The following LGR5 variants were observed in gnomAD, a reference collection of about 807,000 sequenced individuals.
The protein encoded by LGR5 is leucine rich repeat containing G protein-coupled receptor 5, also known as leucine-rich repeat-containing G protein-coupled receptor 5.
Under a neutral mutation model 76.7 loss-of-function variants are expected in LGR5, and 54 were observed. That is an observed-to-expected ratio of 0.70 (90% confidence interval 0.57 to 0.88). The LOEUF (loss-of-function observed/expected upper bound fraction) is 0.88, where lower values mean the gene tolerates loss of function less well. Ranked by LOEUF, LGR5 falls within the 40% of genes least tolerant of loss-of-function variation. The pLI is 0.00. For synonymous variants in LGR5, 406 were observed against 421.9 expected, an observed-to-expected ratio of 0.96 and a Z score of 0.46; for missense variants, 1,078 against 1,073.3, an observed-to-expected ratio of 1.00 and a Z score of -0.06.
In LGR5 at chr12:71,535,181, A is replaced by G; in HGVS notation, c.423A>G (p.Gln141=). 2 of 1,600,224 alleles carry G rather than the reference A, an allele frequency of 1.2e-6. No individual in the cohort carries two copies. Among genetic ancestry groups the G allele is most frequent in the Non-Finnish European group, 1.7e-6 (2 of 1,167,764 alleles). The stretch of plus-strand genomic sequence containing the variant: ...CTCTGCAGAATTTGCGAAGCCTTCA[A>G]TCCCTGTAAGTATAGTAGACATTGC... ...TEALQNLRSL[Q]SLRLDANHIS... Residue 141 remains glutamine (Q), a synonymous_variant, in exon 4 of 18, where the codon CAA becomes CAG. Transcript: ENST00000266674.
intron 1 of LGR5, among the ~76,000 whole-genome samples, chr12:71,502,638 G>A (rs1174265465): frequency 6.6e-6 from 1 of 152,126 alleles, no homozygotes; most frequent in Non-Finnish European, 1.5e-5. Flanking sequence ...GTTTTCCCAC[G>A]ATTATGCAGC....
rs573425957 is a variant in LGR5, at chr12:71,515,816, A to G, written c.285-8590A>G. 2.4e-4 allele frequency among the ~76,000 whole-genome samples: 36 copies of G among 152,338 alleles called. 1 individual carries two copies. The South Asian group carries it at 6.6e-3, about 28-fold the overall frequency. On this transcript the variant is annotated intron_variant, in intron 2 of 17. Transcript: ENST00000266674. ...AGTCTGATGAAATGTTTTCTTTTAA[A>G]TCACAAGAATTATCATGTTCAAGTT...
chr12:71,547,660 C>T (rs965088544), intron 4 of LGR5, among the ~76,000 whole-genome samples: 10 of 152,166 alleles, frequency 6.6e-5, no homozygotes, highest in Non-Finnish European at 1.5e-4. Context: ...GCCCTCAAAT[C>T]TTGGAATTAA....
intron 1 of LGR5, among the ~76,000 whole-genome samples, chr12:71,479,979 A>G (rs1020412356): frequency 1.2e-4 from 18 of 152,144 alleles, no homozygotes; most frequent in African/African-American, 4.1e-4. Context: ...GGAATTATCT[A>G]TTTCTGTTTT....
At chr12:71,481,258 CCT>C (rs1365278838) in intron 1 of LGR5, among the ~76,000 whole-genome samples, 2 of 152,112 alleles carry the variant, frequency 1.3e-5, no homozygotes, top group African/African-American at 4.8e-5. Flanking sequence ...CCCCCAACCC[CCT>C]GACAGGCCCC....
At chr12:71,461,950 G>A (rs1012417045) in intron 1 of LGR5, among the ~76,000 whole-genome samples, 11 of 152,070 alleles carry the variant, frequency 7.2e-5, no homozygotes, top group Admixed American at 3.3e-4. Flanking sequence ...GTAATCTGCC[G>A]GGTGTGAATT....
intron 2 of LGR5, among the ~76,000 whole-genome samples, chr12:71,522,687 G>A (rs1022802898): frequency 2.0e-5 from 3 of 151,802 alleles, no homozygotes; most frequent in Admixed American, 2.0e-4. Flanking sequence ...TAGGTACCAC[G>A]AGATAGGTAG....
intron 1 of LGR5, among the ~76,000 whole-genome samples, chr12:71,450,744 A>G (rs1328863978): frequency 6.6e-6 from 1 of 152,190 alleles, no homozygotes; most frequent in Non-Finnish European, 1.5e-5. Flanking sequence ...GCACTAGTCC[A>G]GGGTCTACTC....
intron 3 of LGR5, among the ~76,000 whole-genome samples, chr12:71,531,956 C>G (rs150295922): frequency 4.0e-4 from 61 of 152,210 alleles, no homozygotes; most frequent in African/African-American, 1.2e-3. Context: ...AAGTTCGCAA[C>G]TATTCAATGA....
chr12:71,565,935 C>T (rs1367386241), intron 8 of LGR5, among the ~76,000 whole-genome samples: 2 of 152,082 alleles, frequency 1.3e-5, no homozygotes, highest in African/African-American at 4.8e-5. Context: ...TAGCTCATTT[C>T]CTCTCCAATA....
At position 71,477,699 on chromosome 12, in the gene LGR5, A is replaced by G. The variant is rs149015622; in HGVS notation, c.213-26915A>G. Among the ~76,000 whole-genome samples, 988 of 152,242 alleles carry G rather than the reference A, an allele frequency of 6.5e-3. 7 individuals carry two copies. The highest frequency in any genetic ancestry group is 0.022 in the African/African-American group (919 of 41,538). ...ACTGCCTTGGAAATTTTTCTTTTTA[A>G]TAATGGTCTCCTTTCATGACACTAA... On this transcript the variant is annotated intron_variant, in intron 1 of 17. Coordinates refer to ENST00000266674, the MANE Select transcript of LGR5 (RefSeq NM_003667.4).
chr12:71,566,895 A>G lies in LGR5; in HGVS notation c.1053A>G (p.Leu351=). Residue 351 remains leucine (L), a synonymous_variant, in exon 11 of 18, where the codon TTA becomes TTG. Transcript: ENST00000266674. ...SSLPQTVCNQ[L]PNLQVLDLSY... is the part of the protein sequence containing the mutation. ...TTCCTCAAACCGTCTGCAATCAGTT[A>G]CCTAATCTCCAAGTGCTGTGCGTAT... 6.2e-7 allele frequency: 1 copy of G among 1,613,388 alleles called. No homozygotes were observed. The highest frequency in any genetic ancestry group is 8.5e-7 in the Non-Finnish European group (1 of 1,179,322).
At chr12:71,510,860 T>C (rs757688062) in intron 2 of LGR5, among the ~76,000 whole-genome samples, 51 of 152,062 alleles carry the variant, frequency 3.4e-4, no homozygotes, top group South Asian at 6.2e-4. Flanking sequence ...GAGAACAGTG[T>C]GAGCAGAGGC....
chr12:71,485,072 T>C (rs1489228531), intron 1 of LGR5, among the ~76,000 whole-genome samples: 2 of 152,198 alleles, frequency 1.3e-5, no homozygotes, highest in Non-Finnish European at 2.9e-5. Context: ...ACTCTTGATA[T>C]ATCTGTATAG....
intron 2 of LGR5, among the ~76,000 whole-genome samples, chr12:71,510,915 A>G (rs1196553181): frequency 6.6e-6 from 1 of 152,076 alleles, no homozygotes; most frequent in Non-Finnish European, 1.5e-5. Flanking sequence ...TGCAAAAAAA[A>G]TCAGTATGGC....
Position 71,566,825 on chromosome 12 carries a change from G to T in LGR5, c.999-16G>T. 2.5e-6 allele frequency: 4 copies of T among 1,610,926 alleles called. No homozygotes were observed. The highest frequency in any genetic ancestry group is 3.4e-6 in the Non-Finnish European group (4 of 1,177,128). ...TGCCTGAATGAAAGAATTATGTCTG[G>T]TTTGTGTTTTAACAGGACTTTAACT... On this transcript the variant is annotated splice_polypyrimidine_tract_variant and intron_variant, in intron 10 of 17. Coordinates refer to ENST00000266674, the MANE Select transcript of LGR5 (RefSeq NM_003667.4).
At chr12:71,481,393 A>G (rs1411049486) in intron 1 of LGR5, among the ~76,000 whole-genome samples, 2 of 152,212 alleles carry the variant, frequency 1.3e-5, no homozygotes, top group African/African-American at 4.8e-5. Context: ...GATGGCTTCT[A>G]GCTTCATCCA....
chr12:71,557,465 T>C (rs1190049601), intron 6 of LGR5, among the ~76,000 whole-genome samples: 4 of 152,194 alleles, frequency 2.6e-5, no homozygotes, highest in Non-Finnish European at 5.9e-5. Context: ...ACATATCTAG[T>C]CAGTAGCAGA....
chr12:71,441,224 G>C (rs528859392), intron 1 of LGR5, among the ~76,000 whole-genome samples: 1 of 152,252 alleles, frequency 6.6e-6, no homozygotes, highest in South Asian at 2.1e-4. Context: ...AAGGTAACAG[G>C]TAGTTGGGTG....
Sources: gnomAD v4.1 joint callset for allele counts (sites outside exome capture counted in the v4.1 genomes callset) on GRCh38, gnomAD v4.1.1 for gene constraint, MANE v1.5 for transcripts, NCBI Gene and HGNC (gene_info 2026-07-23, HGNC 2026-07-21) for gene names.